DYNC2H1: variants seen among roughly 807,000 people sequenced by gnomAD.
The protein encoded by DYNC2H1 is cytoplasmic dynein 2 heavy chain 1.
DYNC2H1 carries 410 observed loss-of-function variants against 570.0 expected under a neutral mutation model. That is an observed-to-expected ratio of 0.72 (90% CI 0.66 to 0.78). The LOEUF (loss-of-function observed/expected upper bound fraction) is 0.78, where lower values mean the gene tolerates loss of function less well. Ranked by LOEUF, DYNC2H1 falls within the 30% of genes least tolerant of loss-of-function variation. DYNC2H1 has a pLI of 0.00. For synonymous variants in DYNC2H1, 1,688 were observed against 1,677.6 expected, an observed-to-expected ratio of 1.01 and a Z score of -0.15; for missense variants, 4,865 against 5,046.4, an observed-to-expected ratio of 0.96 and a Z score of 1.09.
chr11:103,298,758 T>A (rs2135386468), intron 75 of DYNC2H1, among the ~76,000 whole-genome samples: 1 of 152,272 alleles, frequency 6.6e-6, no homozygotes, highest in East Asian at 1.9e-4. Flanking sequence ...ATTTTAAATG[T>A]AATTTCTCAA....
chr11:103,169,496 A>T, intron 32 of DYNC2H1, among the ~76,000 whole-genome samples: 1 of 152,166 alleles, frequency 6.6e-6, no homozygotes, highest in Non-Finnish European at 1.5e-5. Context: ...TATTGTTAAT[A>T]AACCTATGTT....
intron 83 of DYNC2H1, among the ~76,000 whole-genome samples, chr11:103,394,971 T>G (rs902403586): frequency 1.3e-5 from 2 of 151,994 alleles, no homozygotes; most frequent in Non-Finnish European, 2.9e-5. Context: ...TTTCTTTCCT[T>G]TTTTATTCCC....
At position 103,307,776 on chromosome 11, in the gene DYNC2H1, T is replaced by G. The variant is rs769811474; in HGVS notation, c.11438T>G (p.Val3813Gly). The change falls in exon 78 of 89, where the codon GTT (valine) becomes GGT (glycine). Residue 3813 changes from valine to glycine, a missense_variant. By Grantham distance (109) the Val-to-Gly change is moderately radical. Coordinates refer to ENST00000375735, the MANE Select transcript of DYNC2H1 (RefSeq NM_001377.3). The part of the protein sequence containing the change: ...DTFRLWLTAE[V>G]HPNFTPILLQ... ...TTTCGTCTTTGGCTCACTGCAGAAG[T>G]TCATCCCAACTTTACTCCTATTTTA... 6.2e-7 allele frequency: 1 copy of G among 1,606,670 alleles called. No individual in the cohort carries two copies. Among genetic ancestry groups the G allele is most frequent in the Non-Finnish European group, 8.5e-7 (1 of 1,176,102 alleles).
At chr11:103,141,457 T>C (rs2514003) in intron 17 of DYNC2H1, among the ~76,000 whole-genome samples, 125,720 of 152,202 alleles carry the variant, frequency 0.83, 53,732 homozygotes, top group Non-Finnish European at 0.92. Flanking sequence ...TTGGAGTTTG[T>C]TAGAGGTCCA....
chr11:103,239,524 T>C lies in DYNC2H1; in HGVS notation c.9819+2985T>C, dbSNP rs1200916633. Among the ~76,000 whole-genome samples the C allele has an allele frequency of 2.0e-5, 3 of 152,076 alleles. No homozygotes were observed. The highest frequency in any genetic ancestry group is 7.2e-5 in the African/African-American group (3 of 41,428). ...ATTCATGTGTTATCCCTTTTATAGA[T>C]AAGGACATTGAGGCACAGAAGAGTT... On this transcript the variant is annotated intron_variant, in intron 63 of 88. Coordinates refer to ENST00000375735, the MANE Select transcript of DYNC2H1 (RefSeq NM_001377.3). The surrounding 1 kb of genome is among the most constrained non-coding windows in gnomAD (Gnocchi z 4.3).
At chr11:103,222,665 T>G (rs535893871) in intron 58 of DYNC2H1, among the ~76,000 whole-genome samples, 1 of 152,148 alleles carries the variant, frequency 6.6e-6, no homozygotes, top group Non-Finnish European at 1.5e-5. Context: ...GCTCAAACAT[T>G]GTTGTGGATG....
chr11:103,298,693 A>G (rs113785828), intron 75 of DYNC2H1, among the ~76,000 whole-genome samples: 2,023 of 152,238 alleles, frequency 0.013, 27 homozygotes, highest in South Asian at 0.024. Flanking sequence ...TAAAAATTCA[A>G]ATTACCAGAG....
At chr11:103,442,523 C>A (rs1218319498) in intron 85 of DYNC2H1, among the ~76,000 whole-genome samples, 1 of 152,016 alleles carries the variant, frequency 6.6e-6, no homozygotes, top group Non-Finnish European at 1.5e-5. Flanking sequence ...GCTGATAAAT[C>A]CTTCGTATGG....
Position 103,129,104 on chromosome 11 carries a change from C to A in DYNC2H1, c.1953+99C>A. The A allele has an allele frequency of 1.9e-6, 2 of 1,039,414 alleles. No homozygotes were observed. Among genetic ancestry groups the A allele is most frequent in the African/African-American group, 1.7e-5 (1 of 60,288 alleles). The allele number at this position is 1,039,414 out of a possible 1,614,324, so 64.4% of individuals were successfully genotyped here. On this transcript the variant is annotated intron_variant, in intron 13 of 88. Coordinates refer to ENST00000375735, the MANE Select transcript of DYNC2H1 (RefSeq NM_001377.3). This position sits in a 1 kb window ranked among gnomAD's most constrained non-coding sequence, Gnocchi z 4.1. ...CCTTCAGCTTAATATATCAAATGAT[C>A]TAGATTTTGTTTTGCTTCCAGGGAC...
At chr11:103,136,577 A>G (rs1565330304) in intron 17 of DYNC2H1, among the ~76,000 whole-genome samples, 1 of 152,218 alleles carries the variant, frequency 6.6e-6, no homozygotes, top group Non-Finnish European at 1.5e-5. Context: ...ATGGCTGCAT[A>G]GTATTCCATG....
rs188550322 is a variant in DYNC2H1 at position 103,455,992 on chromosome 11, C to G, written c.12567-283C>G. ...CAGCTAATAAACATTTATTGAACAC[C>G]CATCGTGTGCCTGCATTTGAGGGTC... On this transcript the variant is annotated intron_variant, in intron 86 of 88. Transcript: ENST00000375735. Among the ~76,000 whole-genome samples, 167 of 151,856 alleles carry G rather than the reference C, an allele frequency of 1.1e-3. 1 individual carries two copies. Among genetic ancestry groups the G allele is most frequent in the African/African-American group, 3.5e-3 (144 of 41,430 alleles).
chr11:103,308,749 G>A (rs544129355), intron 78 of DYNC2H1, among the ~76,000 whole-genome samples: 16 of 152,262 alleles, frequency 1.1e-4, no homozygotes, highest in African/African-American at 3.9e-4. Flanking sequence ...AATGAGTAAC[G>A]TTGAGCATCT....
chr11:103,478,459 T>C (rs1691966433), intron 88 of DYNC2H1, among the ~76,000 whole-genome samples: 1 of 152,178 alleles, frequency 6.6e-6, no homozygotes, highest in South Asian at 2.1e-4. Context: ...TGGAAACATC[T>C]AGTACCACCT....
intron 83 of DYNC2H1, among the ~76,000 whole-genome samples, chr11:103,394,486 A>G (rs1942306619): frequency 6.6e-6 from 1 of 152,256 alleles, no homozygotes; most frequent in African/African-American, 2.4e-5. Context: ...CCCATTTTAT[A>G]TAAGAAATTT....
intron 85 of DYNC2H1, among the ~76,000 whole-genome samples, chr11:103,451,520 A>C (rs1182750799): frequency 6.6e-6 from 1 of 151,698 alleles, no homozygotes; most frequent in African/African-American, 2.4e-5. Context: ...TTTAGTAGAG[A>C]CGGGGTTTTG....
rs551341473 is a variant in DYNC2H1, at chr11:103,193,623, A to T, written c.7708+1359A>T. On this transcript the variant is annotated intron_variant, in intron 47 of 88. Coordinates refer to ENST00000375735, the MANE Select transcript of DYNC2H1 (RefSeq NM_001377.3). ...CAAAGGTGCAATCTCGGCCCACCGC[A>T]ACCTCCGCCTCCCGGGTTTAACTGA... 6.6e-5 allele frequency among the ~76,000 whole-genome samples: 10 copies of T among 151,532 alleles called. 1 individual carries two copies. The South Asian group carries it at 2.1e-3, about 32-fold the overall frequency.
chr11:103,189,869 G>A lies in DYNC2H1; in HGVS notation c.7437+53G>A. 1.3e-6 allele frequency: 2 copies of A among 1,509,664 alleles called. No homozygotes were observed. Among genetic ancestry groups the A allele is most frequent in the African/African-American group, 1.4e-5 (1 of 71,552 alleles). 93.5% of individuals were successfully genotyped at this position (1,509,664 alleles called of 1,614,324 possible). On this transcript the variant is annotated intron_variant, in intron 45 of 88. Transcript: ENST00000375735. This position sits in a 1 kb window ranked among gnomAD's most constrained non-coding sequence, Gnocchi z 4.3. Reference sequence around the variant, plus strand: ...CATGTCTATTAGTATCATTTCTAAAGGTCTACTTTTAATTCTGACCTCTGT... The same window carrying A: ...CATGTCTATTAGTATCATTTCTAAAAGTCTACTTTTAATTCTGACCTCTGT...
rs10600715 is a variant in DYNC2H1 at position 103,233,293 on chromosome 11, G to GT, written c.9441-728dup. 5.6e-4 allele frequency among the ~76,000 whole-genome samples: 84 copies of GT among 148,936 alleles called. No individual in the cohort carries two copies. In the Middle Eastern group the frequency reaches 0.025, roughly 44 times the overall value. On this transcript the variant is annotated intron_variant, in intron 60 of 88. Transcript: ENST00000375735. ...AACTGTTCTGGAGAATTAAATGCTG[G>GT]TTTTTTTTTTTTTGATGCTTGGCAC...
chr11:103,245,310 A>T lies in DYNC2H1; in HGVS notation c.9978A>T (p.Ile3326=). The T allele has an allele frequency of 6.4e-7, 1 of 1,566,684 alleles. No homozygotes were observed. The highest frequency in any genetic ancestry group is 8.7e-7 in the Non-Finnish European group (1 of 1,154,534). Residue 3326 remains isoleucine, a synonymous_variant, in exon 65 of 89, where the codon ATA becomes ATT. Transcript: ENST00000375735. The surrounding 1 kb of genome is among the most constrained non-coding windows in gnomAD (Gnocchi z 4.5). ...LAVRFGKTLI[I]QEMDGVEPVL... ...TACGTTTTGGGAAAACCCTTATTAT[A>T]CAAGAGATGGATGGTGTAGAACCTG... is the stretch of plus-strand genomic sequence containing the variant.
Sources: allele counts gnomAD v4.1 joint callset (sites outside exome capture counted in the v4.1 genomes callset), GRCh38; gene constraint gnomAD v4.1.1; non-coding constraint Gnocchi (gnomAD v3.1); transcripts MANE v1.5; gene names NCBI Gene and HGNC (gene_info 2026-07-23, HGNC 2026-07-21).